NRG3: variants seen among roughly 807,000 people sequenced by gnomAD.
The protein encoded by NRG3 is pro-neuregulin-3, membrane-bound isoform.
A neutral mutation model predicts 66.9 loss-of-function variants in NRG3; 31 were observed. That is an observed-to-expected ratio of 0.46 (90% confidence interval 0.35 to 0.63). The LOEUF (loss-of-function observed/expected upper bound fraction) is 0.63. Ranked by LOEUF, NRG3 falls within the 20% of genes least tolerant of loss-of-function variation. NRG3 has a pLI of 0.00. For synonymous variants in NRG3, 393 were observed against 359.4 expected, an observed-to-expected ratio of 1.09 and a Z score of -1.06; for missense variants, 910 against 878.9, an observed-to-expected ratio of 1.04 and a Z score of -0.45.
intron 1 of NRG3, among the ~76,000 whole-genome samples, chr10:81,984,432 A>G (rs2224111): frequency 0.18 from 27,450 of 152,118 alleles, 3,148 homozygotes; most frequent in East Asian, 0.42. Flanking sequence ...TAGAAACTTG[A>G]CATTCCACTT....
intron 2 of NRG3, among the ~76,000 whole-genome samples, chr10:82,615,053 G>T (rs1265663922): frequency 6.6e-6 from 1 of 152,144 alleles, no homozygotes; most frequent in Non-Finnish European, 1.5e-5. Flanking sequence ...AGTTAAACAA[G>T]ATTTAGACAC....
At chr10:82,911,202 G>A (rs775892363) in intron 4 of NRG3, among the ~76,000 whole-genome samples, 21 of 152,060 alleles carry the variant, frequency 1.4e-4, no homozygotes, top group Non-Finnish European at 1.8e-4. Flanking sequence ...TTTTGAGTAC[G>A]TCTAAAGAAT....
intron 4 of NRG3, among the ~76,000 whole-genome samples, chr10:82,879,467 CT>C (rs201614818): frequency 1.2e-3 from 148 of 121,812 alleles, no homozygotes; most frequent in African/African-American, 2.9e-3. Flanking sequence ...CTAATGAAGA[CT>C]TTTTTTTTTT....
chr10:82,745,494 A>T (rs1025596723), intron 3 of NRG3, among the ~76,000 whole-genome samples: 1 of 152,154 alleles, frequency 6.6e-6, no homozygotes, highest in African/African-American at 2.4e-5. Flanking sequence ...AGGAGCCATA[A>T]AAACATTGTT....
At chr10:82,262,922 T>A (rs2078108456) in intron 1 of NRG3, among the ~76,000 whole-genome samples, 2 of 152,182 alleles carry the variant, frequency 1.3e-5, no homozygotes. Context: ...AACCTAATTT[T>A]TATCTGGAAT....
At chr10:82,772,470 C>G (rs1281371587) in intron 3 of NRG3, among the ~76,000 whole-genome samples, 1 of 152,060 alleles carries the variant, frequency 6.6e-6, no homozygotes, top group East Asian at 1.9e-4. Flanking sequence ...CTGTATCTCC[C>G]CTTTCCCCAC....
chr10:82,426,138 T>G (rs1005736671), intron 2 of NRG3, among the ~76,000 whole-genome samples: 1 of 152,150 alleles, frequency 6.6e-6, no homozygotes, highest in Non-Finnish European at 1.5e-5. Flanking sequence ...AGGGCAGACC[T>G]TTCTTAAGAA....
chr10:82,525,803 T>G (rs1401198439), intron 2 of NRG3, among the ~76,000 whole-genome samples: 1 of 151,918 alleles, frequency 6.6e-6, no homozygotes, highest in Non-Finnish European at 1.5e-5. Flanking sequence ...ACTACTTTTA[T>G]GAAATAAAAG....
intron 3 of NRG3, among the ~76,000 whole-genome samples, chr10:82,825,060 G>A (rs693467): frequency 0.19 from 28,861 of 151,982 alleles, 2,956 homozygotes; most frequent in East Asian, 0.32. Context: ...TATGTATTAT[G>A]CATCCAAGTC....
At chr10:81,973,813 T>A (rs2060017264) in intron 1 of NRG3, among the ~76,000 whole-genome samples, 1 of 152,196 alleles carries the variant, frequency 6.6e-6, no homozygotes, top group South Asian at 2.1e-4. Flanking sequence ...ATTAGACCTT[T>A]GTCAGATGCA....
intron 1 of NRG3, among the ~76,000 whole-genome samples, chr10:82,067,115 T>C (rs2064521268): frequency 6.6e-6 from 1 of 152,132 alleles, no homozygotes; most frequent in Non-Finnish European, 1.5e-5. Flanking sequence ...AAATGGCAAA[T>C]ATAACAAACC....
intron 1 of NRG3, among the ~76,000 whole-genome samples, chr10:82,017,519 C>G (rs1459458322): frequency 1.3e-5 from 2 of 152,174 alleles, no homozygotes; most frequent in African/African-American, 4.8e-5. Flanking sequence ...ACCACACTGA[C>G]TTCCACAATG....
intron 1 of NRG3, among the ~76,000 whole-genome samples, chr10:82,304,278 G>A (rs1033990903): frequency 2.0e-5 from 3 of 152,066 alleles, no homozygotes; most frequent in Non-Finnish European, 4.4e-5. Context: ...ATGTCTAAGA[G>A]TCATTTGCAA....
chr10:82,664,057 C>T (rs2052572656), intron 2 of NRG3, among the ~76,000 whole-genome samples: 1 of 152,048 alleles, frequency 6.6e-6, no homozygotes, highest in Non-Finnish European at 1.5e-5. Flanking sequence ...TAAGAAAGCC[C>T]CAGGCTTACA....
At chr10:82,780,064 T>A (rs1424451503) in intron 3 of NRG3, among the ~76,000 whole-genome samples, 1 of 152,350 alleles carries the variant, frequency 6.6e-6, no homozygotes, top group East Asian at 1.9e-4. Context: ...TCCTTTCTTA[T>A]GGCTGCATAG....
intron 2 of NRG3, among the ~76,000 whole-genome samples, chr10:82,528,011 C>T (rs1029519128): frequency 2.6e-5 from 4 of 152,022 alleles, no homozygotes; most frequent in African/African-American, 4.8e-5. Context: ...TGGTCTCTAC[C>T]CCTAGATGTC....
intron 1 of NRG3, among the ~76,000 whole-genome samples, chr10:82,098,521 AG>A (rs1417455233): frequency 6.6e-6 from 1 of 152,076 alleles, no homozygotes; most frequent in Non-Finnish European, 1.5e-5. Flanking sequence ...TCTGTGTTAG[AG>A]GGTACAGTGT....
chr10:82,575,637 T>C (rs1184833918), intron 2 of NRG3, among the ~76,000 whole-genome samples: 2 of 151,762 alleles, frequency 1.3e-5, no homozygotes, highest in Non-Finnish European at 2.9e-5. Flanking sequence ...GGGGCTCCAC[T>C]ATAAAAACGA....
chr10:82,734,633 C>G (rs1272700047), intron 2 of NRG3, among the ~76,000 whole-genome samples: 1 of 152,096 alleles, frequency 6.6e-6, no homozygotes, highest in African/African-American at 2.4e-5. Context: ...CTGCTCTACT[C>G]TGCTTTGCAC....
Sources: allele counts gnomAD v4.1 joint callset (sites outside exome capture counted in the v4.1 genomes callset), GRCh38; gene constraint gnomAD v4.1.1; transcripts MANE v1.5; gene names NCBI Gene and HGNC (gene_info 2026-07-23, HGNC 2026-07-21).